Variants in BRINP3 observed in about 807,000 individuals in gnomAD.
The protein encoded by BRINP3 is BMP/retinoic acid inducible neural specific 3.
A neutral mutation model predicts 71.0 loss-of-function variants in BRINP3; 19 were observed. That is an observed-to-expected ratio of 0.27 (90% CI 0.19 to 0.39). The LOEUF (loss-of-function observed/expected upper bound fraction) is 0.39. BRINP3 is among the 10% of genes least tolerant of loss of function. The pLI, the probability that BRINP3 is intolerant of heterozygous loss-of-function variation, is 1.00. For missense variants in BRINP3, 959 were observed against 940.8 expected (o/e 1.02, Z -0.25); for synonymous variants, 380 against 337.7 (o/e 1.13, Z -1.37).
intron 2 of BRINP3, among the ~76,000 whole-genome samples, chr1:190,434,001 T>A (rs1160576296): frequency 6.6e-6 from 1 of 152,216 alleles, no homozygotes; most frequent in African/African-American, 2.4e-5. Flanking sequence ...TTATAACTAA[T>A]ATGAGTAGTA....
chr1:190,158,038 T>C (rs1243200469), intron 7 of BRINP3, among the ~76,000 whole-genome samples: 1 of 152,128 alleles, frequency 6.6e-6, no homozygotes, highest in African/African-American at 2.4e-5. Flanking sequence ...TGTGTGTACT[T>C]ATTTATAAGT....
chr1:190,183,699 A>G (rs1265933299), intron 6 of BRINP3, among the ~76,000 whole-genome samples: 1 of 151,224 alleles, frequency 6.6e-6, no homozygotes, highest in East Asian at 2.1e-4. Flanking sequence ...CTGACTTTCC[A>G]GTAGAAGTTC....
intron 6 of BRINP3, among the ~76,000 whole-genome samples, chr1:190,189,523 T>G (rs774698518): frequency 4.2e-4 from 64 of 152,150 alleles, no homozygotes; most frequent in Admixed American, 3.0e-3. Flanking sequence ...TTTTTCTGCC[T>G]GTTCAATTCT....
chr1:190,133,141 T>C (rs1271056634), intron 7 of BRINP3, among the ~76,000 whole-genome samples: 2 of 152,170 alleles, frequency 1.3e-5, no homozygotes, highest in East Asian at 3.9e-4. Context: ...AGATAATAAA[T>C]GTTCTAAGTT....
chr1:190,305,830 T>C (rs1443201627), intron 2 of BRINP3, among the ~76,000 whole-genome samples: 1 of 151,880 alleles, frequency 6.6e-6, no homozygotes, highest in East Asian at 1.9e-4. Flanking sequence ...ATGTTTAAGA[T>C]AATGGATATG....
At chr1:190,382,012 A>G (rs1457539753) in intron 2 of BRINP3, among the ~76,000 whole-genome samples, 1 of 152,150 alleles carries the variant, frequency 6.6e-6, no homozygotes, top group Non-Finnish European at 1.5e-5. Context: ...CGAAACAGAT[A>G]CACATATTGC....
chr1:190,399,257 C>T (rs1027829567), intron 2 of BRINP3, among the ~76,000 whole-genome samples: 2 of 151,820 alleles, frequency 1.3e-5, no homozygotes, highest in Non-Finnish European at 2.9e-5. Context: ...CTCCCCCAAA[C>T]AAATAATAAA....
At chr1:190,435,828 A>T (rs1674420939) in intron 2 of BRINP3, among the ~76,000 whole-genome samples, 1 of 152,014 alleles carries the variant, frequency 6.6e-6, no homozygotes, top group African/African-American at 2.4e-5. Flanking sequence ...ATTGTTAGAG[A>T]AACGAGAAAC....
chr1:190,112,302 C>T (rs1296315502), intron 7 of BRINP3, among the ~76,000 whole-genome samples: 1 of 152,132 alleles, frequency 6.6e-6, no homozygotes. Flanking sequence ...ATCCATATCA[C>T]AGTGTTCCTG....
chr1:190,240,085 G>A (rs1396872112), intron 4 of BRINP3, among the ~76,000 whole-genome samples: 1 of 151,010 alleles, frequency 6.6e-6, no homozygotes, highest in Admixed American at 6.6e-5. Context: ...AATAGACTAG[G>A]AACTAACTTG....
intron 2 of BRINP3, among the ~76,000 whole-genome samples, chr1:190,334,697 C>T (rs1429663927): frequency 6.6e-6 from 1 of 151,656 alleles, no homozygotes; most frequent in African/African-American, 2.4e-5. Context: ...GTTTAAATGG[C>T]ATGTAATTAG....
At chr1:190,300,402 A>T (rs1173435693) in intron 2 of BRINP3, among the ~76,000 whole-genome samples, 2 of 152,042 alleles carry the variant, frequency 1.3e-5, no homozygotes, top group Admixed American at 1.3e-4. Flanking sequence ...CAGCTCCATC[A>T]GCTCCTTTAA....
intron 2 of BRINP3, among the ~76,000 whole-genome samples, chr1:190,368,640 GT>G (rs1391696846): frequency 1.3e-5 from 2 of 152,154 alleles, no homozygotes; most frequent in East Asian, 3.9e-4. Context: ...CCACAAACAA[GT>G]TTATTGAGGG....
chr1:190,128,295 A>G (rs1294647130), intron 7 of BRINP3, among the ~76,000 whole-genome samples: 6 of 151,786 alleles, frequency 4.0e-5, no homozygotes, highest in Non-Finnish European at 5.9e-5. Flanking sequence ...ACTTTCCCAG[A>G]CTTTAAAATG....
chr1:190,175,461 A>G (rs1300505090), intron 6 of BRINP3, among the ~76,000 whole-genome samples: 1 of 152,176 alleles, frequency 6.6e-6, no homozygotes, highest in East Asian at 1.9e-4. Context: ...AGTTCACAAT[A>G]TATTACTTAA....
chr1:190,099,672 A>T (rs1052580436), intron 7 of BRINP3, among the ~76,000 whole-genome samples: 2 of 152,212 alleles, frequency 1.3e-5, no homozygotes, highest in African/African-American at 4.8e-5. Context: ...CTAAATTGTC[A>T]ATCAGTGTAT....
rs145022569 is a variant in BRINP3, at chr1:190,413,448, T to C, written c.236+41207A>G. 5.9e-5 allele frequency among the ~76,000 whole-genome samples: 9 copies of C among 152,308 alleles called. No individual in the cohort carries two copies. The East Asian group carries it at 1.5e-3, about 26-fold the overall frequency. ...TTTGCAGATATAATTAAGTAAAATA[T>C]CTTTAAATGAAGATATTATTCTGAA... On this transcript the variant is annotated intron_variant, in intron 2 of 7. Coordinates refer to ENST00000367462, the MANE Select transcript of BRINP3 (RefSeq NM_199051.3).
chr1:190,119,089 C>T (rs910615829), intron 7 of BRINP3, among the ~76,000 whole-genome samples: 4 of 151,814 alleles, frequency 2.6e-5, no homozygotes, highest in Admixed American at 6.6e-5. Context: ...TATATTTTTC[C>T]GATTATCTGA....
At chr1:190,180,685 T>C (rs1047757937) in intron 6 of BRINP3, among the ~76,000 whole-genome samples, 3 of 152,072 alleles carry the variant, frequency 2.0e-5, no homozygotes, top group Non-Finnish European at 2.9e-5. Context: ...AAAATTATAG[T>C]ACCAACAAAT....
Sources: gnomAD v4.1 joint callset for allele counts (sites outside exome capture counted in the v4.1 genomes callset) on GRCh38, gnomAD v4.1.1 for gene constraint, MANE v1.5 for transcripts, NCBI Gene and HGNC (gene_info 2026-07-23, HGNC 2026-07-21) for gene names.